The following CDC42BPB variants were observed in gnomAD, a reference collection of about 807,000 sequenced individuals.
CDC42BPB encodes the protein serine/threonine-protein kinase MRCK beta.
CDC42BPB carries 37 observed loss-of-function variants against 214.9 expected under a neutral mutation model. The ratio of observed to expected loss-of-function variants is 0.17; its 90% CI spans 0.13 to 0.23. The LOEUF (loss-of-function observed/expected upper bound fraction) is 0.23, where lower values mean the gene tolerates loss of function less well. Ranked by LOEUF, CDC42BPB falls within the 10% of genes least tolerant of loss-of-function variation. The pLI, the probability that CDC42BPB is intolerant of heterozygous loss-of-function variation, is 1.00. For missense variants in CDC42BPB, 1,694 were observed against 2,227.0 expected (o/e 0.76, Z 4.82); for synonymous variants, 931 against 884.0 (o/e 1.05, Z -0.94).
intron 1 of CDC42BPB, chr14:103,041,858 C>T (rs529703651): frequency 7.6e-6 from 3 of 394,358 alleles, no homozygotes; most frequent in South Asian, 2.3e-5. Context: ...AGGAAGCCCT[C>T]GGCCACCAGG....
chr14:103,029,858 CAAAAAAAA>C (rs11299296), intron 1 of CDC42BPB, among the ~76,000 whole-genome samples: 3 of 62,360 alleles, frequency 4.8e-5, no homozygotes, highest in Non-Finnish European at 8.6e-5. Flanking sequence ...ACTCCATCTC[CAAAAAAAA>C]AAAAAAAAAA....
At chr14:103,042,243 G>C (rs1041526898) in intron 1 of CDC42BPB, 1 of 153,870 alleles carries the variant, frequency 6.5e-6, no homozygotes, top group Admixed American at 6.5e-5. Context: ...TGTGCAAATC[G>C]TATGTCCAAT....
chr14:102,939,664 G>A lies in CDC42BPB; in HGVS notation c.4773C>T (p.His1591=), dbSNP rs909183338. Residue 1591 remains histidine (H), a synonymous_variant, in exon 34 of 37, where the codon CAC becomes CAT. Coordinates refer to ENST00000361246, the MANE Select transcript of CDC42BPB (RefSeq NM_006035.4). ...KMISNPTNFN[H]VAHMGPGDGM... ...CGTCGCCTGGGCCCATGTGGGCCAC[G>A]TGGTTGAAGTTGGTTGGGTTGGATA... 22 of 1,614,076 alleles carry A rather than the reference G, an allele frequency of 1.4e-5. No individual in the cohort carries two copies. Among genetic ancestry groups the A allele is most frequent in the Non-Finnish European group, 1.9e-5 (22 of 1,180,048 alleles).
chr14:103,010,086 G>T (rs747693663), intron 2 of CDC42BPB, among the ~76,000 whole-genome samples: 1 of 152,180 alleles, frequency 6.6e-6, no homozygotes, highest in African/African-American at 2.4e-5. Context: ...AGGAGTTCAA[G>T]ATCAGTCTGG....
intron 2 of CDC42BPB, among the ~76,000 whole-genome samples, chr14:103,011,501 G>A (rs1268302640): frequency 6.6e-6 from 1 of 152,210 alleles, no homozygotes; most frequent in East Asian, 1.9e-4. Flanking sequence ...GGGAGGCTGG[G>A]CGGGGCATCT....
intron 36 of CDC42BPB, among the ~76,000 whole-genome samples, chr14:102,935,346 C>T (rs1321254754): frequency 6.6e-6 from 1 of 151,750 alleles, no homozygotes; most frequent in East Asian, 1.9e-4. Context: ...AAAAAAAATT[C>T]AATTTACAAC....
chr14:102,946,359 C>T, intron 28 of CDC42BPB, 109 bp downstream of exon 28: 2 of 1,257,076 alleles, frequency 1.6e-6, no homozygotes, highest in Middle Eastern at 2.7e-4. Context: ...AAACTGTCTA[C>T]AAACCCAAAT....
chr14:103,005,768 T>G (rs1347646082), intron 3 of CDC42BPB, among the ~76,000 whole-genome samples: 1 of 152,158 alleles, frequency 6.6e-6, no homozygotes, highest in African/African-American at 2.4e-5. Context: ...ACGCGTGTAA[T>G]CCCAGCACTT....
In CDC42BPB at chr14:102,933,380, T is replaced by C. The variant is rs1891484048; in HGVS notation, c.*332A>G. ...GATGTCTGCTTCCGAAGCAGCCGCG[T>C]CATGACGGGTTTCTGCTGAGGAAGT... On this transcript the variant is annotated 3_prime_UTR_variant, in exon 37 of 37. Transcript: ENST00000361246. The C allele has an allele frequency of 8.4e-6, 2 of 239,166 alleles. No individual in the cohort carries two copies. Among genetic ancestry groups the C allele is most frequent in the Middle Eastern group, 1.2e-3 (1 of 832 alleles). 14.8% of individuals were successfully genotyped at this position (239,166 alleles called of 1,614,324 possible).
At chr14:103,024,188 A>G (rs1886925211) in intron 1 of CDC42BPB, among the ~76,000 whole-genome samples, 1 of 152,236 alleles carries the variant, frequency 6.6e-6, no homozygotes, top group South Asian at 2.1e-4. Context: ...CCGTCTACGC[A>G]TCTTCCTCCT....
At chr14:102,993,659 C>G (rs1236419078) in intron 5 of CDC42BPB, among the ~76,000 whole-genome samples, 1 of 152,168 alleles carries the variant, frequency 6.6e-6, no homozygotes, top group African/African-American at 2.4e-5. Flanking sequence ...GCTCACTCGA[C>G]CTCACAAACT....
At chr14:102,969,455 A>G (rs560847243) in intron 14 of CDC42BPB, among the ~76,000 whole-genome samples, 21 of 152,196 alleles carry the variant, frequency 1.4e-4, no homozygotes, top group Non-Finnish European at 1.3e-4. Flanking sequence ...AAGGGCTGAG[A>G]AAGGGGCAGG....
intron 30 of CDC42BPB, among the ~76,000 whole-genome samples, chr14:102,942,029 A>G (rs1274283360): frequency 6.6e-6 from 1 of 152,264 alleles, no homozygotes; most frequent in Non-Finnish European, 1.5e-5. Context: ...GATTATAAAT[A>G]CATTGCACTA....
chr14:103,005,311 A>G (rs1299589485), intron 3 of CDC42BPB, among the ~76,000 whole-genome samples: 1 of 152,250 alleles, frequency 6.6e-6, no homozygotes, highest in Non-Finnish European at 1.5e-5. Context: ...AGAGCTTGCT[A>G]TGTGAGGCAC....
At position 103,057,001 on chromosome 14, in the gene CDC42BPB, C is replaced by T; in HGVS notation, c.173G>A (p.Trp58Ter). ...RDKYVAEFLE[W>*]AKPFTQLVKE... ...CGGCCCTGCCGGCGCGCACTTACCC[C>T]ACTCGAGGAACTCGGCCACGTACTT... The change falls in exon 1 of 37, where the codon TGG becomes TAG. Residue 58 changes from tryptophan to a stop codon, truncating the protein, a stop_gained and splice_region_variant. Transcript: ENST00000361246. LOFTEE classifies it high-confidence loss of function. 6.9e-7 allele frequency: 1 copy of T among 1,458,628 alleles called. No homozygotes were observed. Among genetic ancestry groups the T allele is most frequent in the East Asian group, 2.9e-5 (1 of 34,458 alleles). The allele number at this position is 1,458,628 out of a possible 1,614,324, so 90.4% of individuals were successfully genotyped here. A position where few individuals can be genotyped will look rare whatever the true frequency, so the allele number is the denominator to read the frequency against.
Position 102,954,082 on chromosome 14 carries a change from T to C in CDC42BPB, c.3066+116A>G, listed in dbSNP as rs980472214. The C allele has an allele frequency of 6.5e-5, 49 of 751,316 alleles. No individual in the cohort carries two copies. In the African/African-American group the frequency reaches 7.0e-4, roughly 11 times the overall value. The allele number at this position is 751,316 out of a possible 1,614,324, so 46.5% of individuals were successfully genotyped here. A position where few individuals can be genotyped will look rare whatever the true frequency, so the allele number is the denominator to read the frequency against. ...AGAACATGAGGGTCGCTACTGTGTG[T>C]ATGCAAAAATGACTAAGTATGTTTT... On this transcript the variant is annotated intron_variant, in intron 23 of 36. Coordinates refer to ENST00000361246, the MANE Select transcript of CDC42BPB (RefSeq NM_006035.4).
chr14:102,935,727 T>C (rs1891621357), intron 36 of CDC42BPB, among the ~76,000 whole-genome samples: 1 of 148,810 alleles, frequency 6.7e-6, no homozygotes, highest in South Asian at 2.1e-4. Flanking sequence ...GAAACAAAGG[T>C]TGCAGTGAGC....
intron 1 of CDC42BPB, among the ~76,000 whole-genome samples, chr14:103,017,982 C>G (rs1275611662): frequency 6.6e-6 from 1 of 152,222 alleles, no homozygotes; most frequent in Non-Finnish European, 1.5e-5. Flanking sequence ...GGGCCACTTT[C>G]ATGGAAGACA....
chr14:103,030,543 AAAATT>A (rs1887309658), intron 1 of CDC42BPB, among the ~76,000 whole-genome samples: 3 of 152,276 alleles, frequency 2.0e-5, no homozygotes, highest in Non-Finnish European at 4.4e-5. Flanking sequence ...TAAAAATATA[AAAATT>A]AGCTGAGTGT....
Sources: gnomAD v4.1 joint callset for allele counts (sites outside exome capture counted in the v4.1 genomes callset) on GRCh38, gnomAD v4.1.1 for gene constraint, MANE v1.5 for transcripts, NCBI Gene and HGNC (gene_info 2026-07-23, HGNC 2026-07-21) for gene names.